BACH2: variants seen among roughly 807,000 people sequenced by gnomAD.
The protein encoded by BACH2 is transcription regulator protein BACH2.
BACH2 carries 5 observed loss-of-function variants against 61.8 expected under a neutral mutation model. The observed-to-expected ratio is 0.08, with a 90% confidence interval of 0.04 to 0.17. The LOEUF is 0.17. Ranked by LOEUF, BACH2 falls within the 10% of genes least tolerant of loss-of-function variation. The probability of loss-of-function intolerance (pLI) is 1.00; values close to 1 mark genes in which losing one functional copy is unlikely to be tolerated. For synonymous variants in BACH2, 446 were observed against 440.1 expected, an observed-to-expected ratio of 1.01 and a Z score of -0.17; for missense variants, 824 against 1,091.1, an observed-to-expected ratio of 0.76 and a Z score of 3.45.
rs140938760 is a variant in BACH2, at chr6:89,985,105, T to G, written c.243+23497A>C. ...GGTGGGCGGTGGGTGCTTGCAGGGG[T>G]GAAGTACTAACAGGTAGCAAAGTGT... On this transcript the variant is annotated intron_variant, in intron 6 of 8. Coordinates refer to ENST00000257749, the MANE Select transcript of BACH2 (RefSeq NM_021813.4). 8.6e-3 allele frequency among the ~76,000 whole-genome samples: 1,310 copies of G among 151,846 alleles called. 12 individuals are homozygous for G. The highest frequency in any genetic ancestry group is 0.014 in the South Asian group (69 of 4,788).
At chr6:90,014,440 G>GTGTGTATATATATATA (rs1330299169) in intron 5 of BACH2, among the ~76,000 whole-genome samples, 1 of 48,036 alleles carries the variant, frequency 2.1e-5, no homozygotes, top group African/African-American at 1.1e-4. Flanking sequence ...GTGTGTGTGT[G>GTGTGTATATATATATA]TATATATATA....
chr6:90,214,044 C>T (rs1337564562), intron 3 of BACH2, among the ~76,000 whole-genome samples: 5 of 152,046 alleles, frequency 3.3e-5, no homozygotes, highest in African/African-American at 1.2e-4. Flanking sequence ...CAGCTTTTTG[C>T]GCACTTTAGA....
intron 5 of BACH2, among the ~76,000 whole-genome samples, chr6:90,063,998 A>C (rs1423488865): frequency 6.6e-6 from 1 of 152,240 alleles, no homozygotes. Flanking sequence ...AAGAGTTGGG[A>C]AATGGCAAAA....
chr6:89,970,643 C>G (rs775876711), intron 6 of BACH2, among the ~76,000 whole-genome samples: 20 of 152,222 alleles, frequency 1.3e-4, no homozygotes, highest in African/African-American at 4.8e-4. Flanking sequence ...CCTGTACGGC[C>G]CTTTTTCACT....
chr6:90,156,350 TG>T (rs1254973184), intron 4 of BACH2, among the ~76,000 whole-genome samples: 1 of 152,126 alleles, frequency 6.6e-6, no homozygotes, highest in Non-Finnish European at 1.5e-5. Flanking sequence ...TCTTGGAGAG[TG>T]TGCTACTTGC....
At chr6:89,979,799 G>A (rs1775851628) in intron 6 of BACH2, among the ~76,000 whole-genome samples, 1 of 152,108 alleles carries the variant, frequency 6.6e-6, no homozygotes, top group Admixed American at 6.5e-5. Context: ...AATACATTCT[G>A]GGTTCAAACT....
At chr6:90,016,388 AT>A (rs1778061143) in intron 5 of BACH2, among the ~76,000 whole-genome samples, 1 of 151,894 alleles carries the variant, frequency 6.6e-6, no homozygotes, top group African/African-American at 2.4e-5. Context: ...ATTCAATTTC[AT>A]TTCAATTATT....
chr6:89,964,196 T>TA (rs2128359697), intron 6 of BACH2, among the ~76,000 whole-genome samples: 1 of 133,684 alleles, frequency 7.5e-6, no homozygotes, highest in Non-Finnish European at 1.6e-5. Context: ...CCCTAAAACT[T>TA]AAAGTATAAT....
At chr6:90,208,078 T>A (rs1283416158) in intron 3 of BACH2, among the ~76,000 whole-genome samples, 3 of 152,150 alleles carry the variant, frequency 2.0e-5, no homozygotes, top group African/African-American at 7.2e-5. Flanking sequence ...AAGACTTAAA[T>A]GTAAGATCTA....
chr6:90,082,563 G>A (rs998000215), intron 5 of BACH2, among the ~76,000 whole-genome samples: 2 of 152,012 alleles, frequency 1.3e-5, no homozygotes, highest in African/African-American at 2.4e-5. Flanking sequence ...TTGTAAATTT[G>A]GAATTAGTTA....
chr6:90,035,270 T>C (rs376864876), intron 5 of BACH2, among the ~76,000 whole-genome samples: 3 of 152,110 alleles, frequency 2.0e-5, no homozygotes, highest in Non-Finnish European at 4.4e-5. Flanking sequence ...ACTCAGCTGC[T>C]AGAAATACTC....
intron 4 of BACH2, among the ~76,000 whole-genome samples, chr6:90,142,797 T>C (rs1285638319): frequency 6.6e-6 from 1 of 152,162 alleles, no homozygotes; most frequent in Non-Finnish European, 1.5e-5. Flanking sequence ...GCTTCTATTT[T>C]CTAAAGTTTC....
In BACH2 at chr6:89,950,609, G is replaced by A; in HGVS notation, c.1497C>T (p.Ser499=). The part of the protein sequence containing the change: ...HLPGRMRPNT[S]CPVPIKVCPR... ...GGCAGACTTTGATTGGTACCGGGCA[G>A]CTGGTGTTGGGCCGCATCCTTCCTG... Residue 499 remains serine (S), a synonymous_variant, in exon 7 of 9, where the codon AGC becomes AGT. Transcript: ENST00000257749. The surrounding 1 kb of genome is among the most constrained non-coding windows in gnomAD (Gnocchi z 5.3). 6.2e-7 allele frequency: 1 copy of A among 1,613,788 alleles called. No homozygotes were observed. Among genetic ancestry groups the A allele is most frequent in the Non-Finnish European group, 8.5e-7 (1 of 1,179,840 alleles).
At chr6:89,973,523 C>T (rs974711832) in intron 6 of BACH2, among the ~76,000 whole-genome samples, 10 of 152,190 alleles carry the variant, frequency 6.6e-5, no homozygotes, top group African/African-American at 2.4e-4. Context: ...TGATTCCGAC[C>T]CTCCTGCCTC....
At chr6:90,009,129 T>C (rs999882255) in intron 5 of BACH2, among the ~76,000 whole-genome samples, 1 of 149,550 alleles carries the variant, frequency 6.7e-6, no homozygotes, top group African/African-American at 2.4e-5. Context: ...GCCAGATCTT[T>C]TAATAGAACA....
At chr6:90,038,440 A>G (rs1779368500) in intron 5 of BACH2, among the ~76,000 whole-genome samples, 1 of 152,226 alleles carries the variant, frequency 6.6e-6, no homozygotes, top group Non-Finnish European at 1.5e-5. Flanking sequence ...CTTGTGCTCA[A>G]CATTATGTTT....
chr6:90,235,412 A>G (rs2127861988), intron 3 of BACH2, among the ~76,000 whole-genome samples: 1 of 152,364 alleles, frequency 6.6e-6, no homozygotes, highest in African/African-American at 2.4e-5. Context: ...AAGCATTTAG[A>G]ACAGTGCCCA....
intron 6 of BACH2, among the ~76,000 whole-genome samples, chr6:90,004,596 G>A (rs1266552328): frequency 6.6e-6 from 1 of 152,296 alleles, no homozygotes; most frequent in African/African-American, 2.4e-5. Flanking sequence ...TGTGGGCTGA[G>A]CATCTTCTAA....
intron 6 of BACH2, among the ~76,000 whole-genome samples, chr6:89,976,940 C>T (rs1232364443): frequency 6.6e-6 from 1 of 152,176 alleles, no homozygotes; most frequent in Non-Finnish European, 1.5e-5. Context: ...AAGGTCTGCT[C>T]GCTATTTACA....
Sources: gnomAD v4.1 joint callset for allele counts (sites outside exome capture counted in the v4.1 genomes callset) on GRCh38, gnomAD v4.1.1 for gene constraint, Gnocchi (gnomAD v3.1) non-coding constraint, MANE v1.5 for transcripts, NCBI Gene and HGNC (gene_info 2026-07-23, HGNC 2026-07-21) for gene names.